SLIT1: variants seen among roughly 807,000 people sequenced by gnomAD.
The protein encoded by SLIT1 is slit guidance ligand 1.
SLIT1 carries 66 observed loss-of-function variants against 186.1 expected under a neutral mutation model. That is an observed-to-expected ratio of 0.35 (90% CI 0.29 to 0.44). The LOEUF (loss-of-function observed/expected upper bound fraction) is 0.44. Ranked by LOEUF, SLIT1 falls within the 20% of genes least tolerant of loss-of-function variation. SLIT1 has a pLI of 1.00. For missense variants in SLIT1, 1,638 were observed against 2,037.4 expected, an observed-to-expected ratio of 0.80 and a Z score of 3.77; for synonymous variants, 761 against 833.8, an observed-to-expected ratio of 0.91 and a Z score of 1.50.
At chr10:97,008,530 A>G (rs888350278) in intron 31 of SLIT1, among the ~76,000 whole-genome samples, 1 of 152,134 alleles carries the variant, frequency 6.6e-6, no homozygotes, top group Non-Finnish European at 1.5e-5. Context: ...ACCAGTTTCT[A>G]CTAAAAATAC....
At chr10:97,038,051 T>C (rs1848656380) in intron 21 of SLIT1, among the ~76,000 whole-genome samples, 1 of 152,170 alleles carries the variant, frequency 6.6e-6, no homozygotes, top group South Asian at 2.1e-4. Context: ...TCCTTGTCCA[T>C]GGACACTCCC....
intron 25 of SLIT1, among the ~76,000 whole-genome samples, chr10:97,029,706 T>G (rs1433618301): frequency 1.3e-5 from 2 of 152,240 alleles, no homozygotes; most frequent in African/African-American, 4.8e-5. Flanking sequence ...TTCACAGTGT[T>G]GTACAATATC....
chr10:97,030,925 C>T (rs1043533576), intron 24 of SLIT1, 97 bp from the exon 25 acceptor site: 43 of 1,021,108 alleles, frequency 4.2e-5, no homozygotes, highest in Non-Finnish European at 5.6e-5. Context: ...GGGGACAGGC[C>T]GTGCCTTCCC....
chr10:97,171,900 G>A (rs12354700), intron 1 of SLIT1, among the ~76,000 whole-genome samples: 33,964 of 151,642 alleles, frequency 0.22, 3,990 homozygotes, highest in Non-Finnish European at 0.25. Context: ...CCTGCCCCAT[G>A]CTCCTTCTGA....
rs550934284 is a variant in SLIT1 at position 96,999,447 on chromosome 10, C to T, written c.*1665G>A. ...CACTGCCCTGGGCAGGGGACAGGGA[C>T]ACAATGCCACTCTGAGCCTCACCTG... On this transcript the variant is annotated 3_prime_UTR_variant, in exon 37 of 37. Coordinates refer to ENST00000266058, the MANE Select transcript of SLIT1 (RefSeq NM_003061.3). 1 of 152,428 alleles carries T rather than the reference C, an allele frequency of 6.6e-6. No homozygotes were observed. The highest frequency in any genetic ancestry group is 1.5e-5 in the Non-Finnish European group (1 of 68,212). The allele number at this position is 152,428 out of a possible 1,614,324, so 9.4% of individuals were successfully genotyped here. A position where few individuals can be genotyped will look rare whatever the true frequency, so the allele number is the denominator to read the frequency against.
At chr10:97,178,429 C>T (rs796798301) in intron 1 of SLIT1, among the ~76,000 whole-genome samples, 1 of 152,162 alleles carries the variant, frequency 6.6e-6, no homozygotes. Context: ...GGCCTGCATA[C>T]ATCAATAATG....
At chr10:97,024,969 T>A (rs1300283170) in intron 25 of SLIT1, among the ~76,000 whole-genome samples, 6 of 151,918 alleles carry the variant, frequency 3.9e-5, no homozygotes, top group Admixed American at 3.9e-4. Context: ...CTCTCCATCA[T>A]AAAAAAAATA....
chr10:97,063,070 C>G lies in SLIT1; in HGVS notation c.793+385G>C, dbSNP rs148961957. 1.4e-4 allele frequency among the ~76,000 whole-genome samples: 22 copies of G among 152,180 alleles called. No individual in the cohort carries two copies. The East Asian group carries it at 4.2e-3, about 29-fold the overall frequency. On this transcript the variant is annotated intron_variant, in intron 8 of 36. Transcript: ENST00000266058. ...CAGTGGCAAGGAGCCCAGAGGACAT[C>G]GGAGGAGGCACTGAGTAGACCAGAA...
At position 97,159,018 on chromosome 10, in the gene SLIT1, T is replaced by C. The variant is rs539641923; in HGVS notation, c.342-1129A>G. On this transcript the variant is annotated intron_variant, in intron 3 of 36. Coordinates refer to ENST00000266058, the MANE Select transcript of SLIT1 (RefSeq NM_003061.3). ...AAATAACTAAGAGAAACGTCATCTC[T>C]ACAAAAAATACAAAAAAATTAGCTG... 6.6e-4 allele frequency among the ~76,000 whole-genome samples: 101 copies of C among 152,208 alleles called. 1 individual carries two copies. The South Asian group carries it at 0.02, about 30-fold the overall frequency.
intron 4 of SLIT1, among the ~76,000 whole-genome samples, chr10:97,121,358 T>G (rs1462025586): frequency 2.0e-5 from 3 of 152,196 alleles, no homozygotes; most frequent in African/African-American, 4.8e-5. Flanking sequence ...ATCTGTCTAC[T>G]CTGCTCTTAG....
At chr10:97,113,503 G>T (rs776205390) in intron 4 of SLIT1, among the ~76,000 whole-genome samples, 8 of 151,528 alleles carry the variant, frequency 5.3e-5, no homozygotes, top group Non-Finnish European at 1.2e-4. Context: ...CTCCCAAAGT[G>T]CTGGGATGAC....
In SLIT1 at chr10:97,011,062, C is replaced by A; in HGVS notation, c.3272G>T (p.Arg1091Leu). 1 of 1,613,604 alleles carries A rather than the reference C, an allele frequency of 6.2e-7. No individual in the cohort carries two copies. The highest frequency in any genetic ancestry group is 8.5e-7 in the Non-Finnish European group (1 of 1,179,512). ...CATACACTGGGCCCCATTCTGGCAG[C>A]GGTGGTCCCTGCAGTCATCCTGGTT... ...SENQDDCRDH[R>L]CQNGAQCMDE... Residue 1091 changes from arginine (R) to leucine (L), a missense_variant, in exon 31 of 37, where the codon CGC becomes CTC. Physicochemically the swap from Arg to Leu is moderately radical, Grantham distance 102. Around this residue, in one of 3 missense-constraint regions of SLIT1, gnomAD observed 1,245 missense variants for 1,535.3 expected, o/e 0.81. Coordinates refer to ENST00000266058, the MANE Select transcript of SLIT1 (RefSeq NM_003061.3).
At chr10:97,051,687 C>G (rs1040189227) in intron 13 of SLIT1, among the ~76,000 whole-genome samples, 2 of 151,990 alleles carry the variant, frequency 1.3e-5, no homozygotes, top group African/African-American at 4.8e-5. Context: ...GTGGTGGGCA[C>G]CTGTAATCCC....
intron 4 of SLIT1, among the ~76,000 whole-genome samples, chr10:97,107,430 C>T (rs1174030501): frequency 2.0e-5 from 3 of 152,174 alleles, no homozygotes; most frequent in Non-Finnish European, 2.9e-5. Flanking sequence ...TTCCCTGGGC[C>T]TCCCCTTCTC....
At chr10:97,012,524 C>T (rs547511713) in intron 30 of SLIT1, among the ~76,000 whole-genome samples, 4 of 152,314 alleles carry the variant, frequency 2.6e-5, no homozygotes, top group Admixed American at 6.5e-5. Context: ...GCTTGCCCTT[C>T]GTGATTGAGG....
At chr10:97,064,072 A>G (rs921566596) in intron 7 of SLIT1, 96 bp downstream of exon 7, 1 of 1,019,118 alleles carries the variant, frequency 9.8e-7, no homozygotes, top group Non-Finnish European at 1.5e-6. Flanking sequence ...AATGAGCTCC[A>G]TGACCTGTCT....
chr10:97,088,060 G>T (rs915715069), intron 4 of SLIT1, among the ~76,000 whole-genome samples: 1 of 151,998 alleles, frequency 6.6e-6, no homozygotes, highest in Non-Finnish European at 1.5e-5. Flanking sequence ...CTCAAACTCA[G>T]CTGCACACTG....
intron 11 of SLIT1, 61 bp downstream of exon 11, chr10:97,059,399 C>T: frequency 7.2e-7 from 1 of 1,391,110 alleles, no homozygotes; most frequent in East Asian, 2.3e-5. Context: ...GACCCTGGGC[C>T]CTGCCAGCCT....
intron 1 of SLIT1, among the ~76,000 whole-genome samples, chr10:97,167,477 T>C (rs1564693127): frequency 6.6e-6 from 1 of 152,250 alleles, no homozygotes; most frequent in Non-Finnish European, 1.5e-5. Context: ...AGGAAAAATC[T>C]TTAACAAGTT....
Sources: gnomAD v4.1 joint callset for allele counts (sites outside exome capture counted in the v4.1 genomes callset) on GRCh38, gnomAD v4.1.1 for gene constraint, gnomAD v4.1.1 regional missense constraint, MANE v1.5 for transcripts, NCBI Gene and HGNC (gene_info 2026-07-23, HGNC 2026-07-21) for gene names.